Variants in DDX60L observed in about 807,000 individuals in gnomAD.
DDX60L encodes probable ATP-dependent RNA helicase DDX60-like.
DDX60L carries 191 observed loss-of-function variants against 211.6 expected under a neutral mutation model. The ratio of observed to expected loss-of-function variants is 0.90; its 90% CI spans 0.80 to 1.02. The LOEUF is 1.02. DDX60L is among the 50% of genes least tolerant of loss of function. The pLI is 0.00. For synonymous variants in DDX60L, 706 were observed against 694.1 expected (o/e 1.02, Z -0.27); for missense variants, 2,007 against 1,984.1 (o/e 1.01, Z -0.22).
At position 168,422,683 on chromosome 4, in the gene DDX60L, T is replaced by C. The variant is rs758581712; in HGVS notation, c.2098-13A>G. On this transcript the variant is annotated splice_polypyrimidine_tract_variant and intron_variant, in intron 15 of 37. Coordinates refer to ENST00000682922, the MANE Select transcript of DDX60L (RefSeq NM_001012967.3). ...TGTCATCTCCTATCTGTTATTTTAATATATTATTTGAAATCAACTTAAACT... is the reference window on the plus strand; with the variant it reads ...TGTCATCTCCTATCTGTTATTTTAACATATTATTTGAAATCAACTTAAACT... The C allele has an allele frequency of 1.3e-6, 2 of 1,531,656 alleles. No homozygotes were observed. The highest frequency in any genetic ancestry group is 2.4e-5 in the East Asian group (1 of 41,856). 94.9% of individuals were successfully genotyped at this position (1,531,656 alleles called of 1,614,324 possible).
intron 29 of DDX60L, among the ~76,000 whole-genome samples, chr4:168,391,314 A>C (rs1744770651): frequency 6.6e-6 from 1 of 152,250 alleles, no homozygotes. Flanking sequence ...GAAATACATT[A>C]AGATTATTAA....
At chr4:168,421,690 G>T in intron 17 of DDX60L, 70 bp downstream of exon 17, 1 of 1,562,312 alleles carries the variant, frequency 6.4e-7, no homozygotes, top group South Asian at 1.2e-5. Context: ...TCTAGCATGT[G>T]ACCGTGTGCA....
In DDX60L at chr4:168,361,636, T is replaced by C. The variant is rs1365456814; in HGVS notation, c.4929-425A>G. On this transcript the variant is annotated intron_variant, in intron 36 of 37. Coordinates refer to ENST00000682922, the MANE Select transcript of DDX60L (RefSeq NM_001012967.3). ...AAGATTTGTCAAGAATAGGAGAACA[T>C]TGAACAAGATGCAAGATGCCTCTGC... Among the ~76,000 whole-genome samples, 6 of 152,296 alleles carry C rather than the reference T, an allele frequency of 3.9e-5. No individual in the cohort carries two copies. The East Asian group carries it at 7.7e-4, about 20-fold the overall frequency.
Position 168,432,996 on chromosome 4 carries a change from C to T in DDX60L, c.1400+14G>A, listed in dbSNP as rs1265782380. On this transcript the variant is annotated intron_variant, in intron 11 of 37. Transcript: ENST00000682922. ...GTTGATGGCACTAAATCAGGTACTT[C>T]ATTAACTCTGTACCTCTTTAGAATA... 1.9e-6 allele frequency: 3 copies of T among 1,541,164 alleles called. No individual in the cohort carries two copies. Among genetic ancestry groups the T allele is most frequent in the Admixed American group, 3.5e-5 (2 of 56,732 alleles).
chr4:168,468,185 TAAATAAAC>T (rs911372947), intron 4 of DDX60L, among the ~76,000 whole-genome samples: 21 of 151,754 alleles, frequency 1.4e-4, no homozygotes, highest in African/African-American at 3.6e-4. Context: ...AATAAATAAA[TAAATAAAC>T]AAGTAAAATT....
chr4:168,466,356 C>A (rs1757990423), intron 4 of DDX60L, among the ~76,000 whole-genome samples: 1 of 151,890 alleles, frequency 6.6e-6, no homozygotes, highest in East Asian at 1.9e-4. Context: ...TAAATGAGGG[C>A]AGAAGAAAAT....
chr4:168,422,158 T>C (rs962939550), intron 16 of DDX60L, among the ~76,000 whole-genome samples: 2 of 152,252 alleles, frequency 1.3e-5, no homozygotes, highest in Non-Finnish European at 2.9e-5. Flanking sequence ...GTTTCATTTC[T>C]GCAAAATAGA....
At chr4:168,441,262 T>A in intron 10 of DDX60L, 75 bp downstream of exon 10, 1 of 1,365,314 alleles carries the variant, frequency 7.3e-7, no homozygotes, top group Non-Finnish European at 1.0e-6. Flanking sequence ...CTTGGAAGAA[T>A]TGAATTATTA....
chr4:168,401,125 T>G, intron 25 of DDX60L, 147 bp from the exon 26 acceptor site: 2 of 681,040 alleles, frequency 2.9e-6, no homozygotes, highest in Non-Finnish European at 4.8e-6. Flanking sequence ...AAGACTGGTT[T>G]AAGCCCCGAT....
intron 22 of DDX60L, among the ~76,000 whole-genome samples, chr4:168,414,453 A>C (rs1749196211): frequency 6.6e-6 from 1 of 152,122 alleles, no homozygotes; most frequent in Admixed American, 6.6e-5. Flanking sequence ...AACAACAAAA[A>C]GTCAAAAAAC....
intron 36 of DDX60L, among the ~76,000 whole-genome samples, chr4:168,369,360 C>T (rs2684364): frequency 0.82 from 125,259 of 152,096 alleles, 51,747 homozygotes; most frequent in African/African-American, 0.88. Context: ...TTTCAACTTC[C>T]ATCATGATTG....
chr4:168,369,965 G>C (rs757057126), intron 36 of DDX60L, among the ~76,000 whole-genome samples: 1 of 152,160 alleles, frequency 6.6e-6, no homozygotes, highest in African/African-American at 2.4e-5. Context: ...CTTACATGCT[G>C]TGGGTAGGAT....
intron 20 of DDX60L, 144 bp from the exon 21 acceptor site, chr4:168,415,943 G>A: frequency 1.4e-6 from 1 of 704,698 alleles, no homozygotes; most frequent in Non-Finnish European, 2.1e-6. Flanking sequence ...TGACTTCAGA[G>A]CTGTGGACTT....
chr4:168,475,460 G>GA (rs1759345864), intron 1 of DDX60L, among the ~76,000 whole-genome samples: 1 of 152,022 alleles, frequency 6.6e-6, no homozygotes, highest in Non-Finnish European at 1.5e-5. Flanking sequence ...TATGTATACA[G>GA]TTATGTTGTG....
intron 1 of DDX60L, chr4:168,476,201 A>AAAC (rs1411813993): frequency 1.3e-5 from 2 of 152,006 alleles, no homozygotes; most frequent in Non-Finnish European, 2.9e-5. Context: ...ATGAAAAAAC[A>AAAC]AACACTTATC....
In DDX60L at chr4:168,441,427, G is replaced by A. The variant is rs1753818941; in HGVS notation, c.1204C>T (p.His402Tyr). The A allele has an allele frequency of 1.2e-6, 2 of 1,613,024 alleles. No homozygotes were observed. Among genetic ancestry groups the A allele is most frequent in the African/African-American group, 2.7e-5 (2 of 74,952 alleles). Residue 402 changes from histidine (H) to tyrosine (Y), a missense_variant, in exon 10 of 38, where the codon CAC (histidine) becomes TAC (tyrosine). By Grantham distance (83) the His-to-Tyr change is moderately conservative (BLOSUM62 2). Transcript: ENST00000682922. ...DYEDLWNVVS[H>Y]LVKEFNVGKS... ...CCAACGTTAAATTCTTTAACCAGGT[G>A]TGACACAACATTCCACAGGTCTTCA...
At chr4:168,454,949 T>C (rs866063816) in intron 7 of DDX60L, among the ~76,000 whole-genome samples, 2 of 151,666 alleles carry the variant, frequency 1.3e-5, no homozygotes, top group African/African-American at 4.8e-5. Flanking sequence ...CTCTAGTTAT[T>C]TCAAAGGGAC....
chr4:168,463,837 T>C (rs1002011074), intron 4 of DDX60L, among the ~76,000 whole-genome samples: 1 of 152,206 alleles, frequency 6.6e-6, no homozygotes, highest in Non-Finnish European at 1.5e-5. Context: ...GCTCATAATA[T>C]ACTTTTGTAT....
chr4:168,441,362 A>G lies in DDX60L; in HGVS notation c.1269T>C (p.Leu423=). 6.2e-7 allele frequency: 1 copy of G among 1,609,658 alleles called. No homozygotes were observed. The highest frequency in any genetic ancestry group is 8.5e-7 in the Non-Finnish European group (1 of 1,178,368). Residue 423 remains leucine, a synonymous_variant, in exon 10 of 38, where the codon CTT becomes CTC. Coordinates refer to ENST00000682922, the MANE Select transcript of DDX60L (RefSeq NM_001012967.3). ...FPLRTTRRHF[L]RQEKSVIQEI... ...CTTGAATGACCGATTTCTCTTGTCT[A>G]AGAAAATGTCTTCTTGTTGTTCTCA...
Sources: gnomAD v4.1 joint callset for allele counts (sites outside exome capture counted in the v4.1 genomes callset) on GRCh38, gnomAD v4.1.1 for gene constraint, MANE v1.5 for transcripts, NCBI Gene and HGNC (gene_info 2026-07-23, HGNC 2026-07-21) for gene names.